DCAF7: variants seen among roughly 807,000 people sequenced by gnomAD.
The protein encoded by DCAF7 is DDB1 and CUL4 associated factor 7.
DCAF7 carries 4 observed loss-of-function variants against 41.2 expected under a neutral mutation model. The ratio of observed to expected loss-of-function variants is 0.10; its 90% CI spans 0.05 to 0.22. The LOEUF (loss-of-function observed/expected upper bound fraction) is 0.22, where lower values mean the gene tolerates loss of function less well. Ranked by LOEUF, DCAF7 falls within the 10% of genes least tolerant of loss-of-function variation. The pLI, the probability that DCAF7 is intolerant of heterozygous loss-of-function variation, is 1.00. For missense variants in DCAF7, 131 were observed against 443.2 expected (o/e 0.30, Z 6.32); for synonymous variants, 143 against 164.2 (o/e 0.87, Z 0.99).
At chr17:63,556,380 A>T (rs564325570) in intron 1 of DCAF7, among the ~76,000 whole-genome samples, 1 of 151,562 alleles carries the variant, frequency 6.6e-6, no homozygotes, top group Non-Finnish European at 1.5e-5. Context: ...GACCAGCCTG[A>T]CCAACATGGA....
At chr17:63,562,808 G>A (rs1041146365) in intron 1 of DCAF7, among the ~76,000 whole-genome samples, 9 of 143,706 alleles carry the variant, frequency 6.3e-5, no homozygotes, top group African/African-American at 1.1e-4. Flanking sequence ...ACCAAACACC[G>A]CAGAAAATAT....
At chr17:63,555,009 T>C (rs925436390) in intron 1 of DCAF7, among the ~76,000 whole-genome samples, 1 of 152,220 alleles carries the variant, frequency 6.6e-6, no homozygotes, top group Non-Finnish European at 1.5e-5. Flanking sequence ...AGTAGTGTAA[T>C]TTTCTAGTTT....
intron 1 of DCAF7, among the ~76,000 whole-genome samples, chr17:63,558,988 C>T (rs1370345878): frequency 6.6e-6 from 1 of 152,018 alleles, no homozygotes; most frequent in East Asian, 1.9e-4. Flanking sequence ...GAAATGTAGT[C>T]TGTGCTAAAG....
At chr17:63,575,686 T>TG (rs931431923) in intron 1 of DCAF7, among the ~76,000 whole-genome samples, 12 of 152,106 alleles carry the variant, frequency 7.9e-5, no homozygotes, top group Admixed American at 7.9e-4. Flanking sequence ...AGACTCTGTC[T>TG]GAAAAAAAAG....
chr17:63,584,562 C>T (rs1477645049), intron 5 of DCAF7, among the ~76,000 whole-genome samples: 2 of 151,976 alleles, frequency 1.3e-5, no homozygotes, highest in African/African-American at 4.8e-5. Context: ...AGATCAAGAC[C>T]ATCCTAGCTA....
chr17:63,559,365 A>ATATGTATGTG (rs1568097716), intron 1 of DCAF7, among the ~76,000 whole-genome samples: 21 of 115,490 alleles, frequency 1.8e-4, no homozygotes, highest in African/African-American at 7.3e-4. Flanking sequence ...ATATGTATGT[A>ATATGTATGTG]TATATATATG....
In DCAF7 at chr17:63,590,645, A is replaced by T. The variant is rs190397461; in HGVS notation, c.*1473A>T. The T allele has an allele frequency of 1.7e-4, 26 of 152,706 alleles. 1 individual carries two copies. Among genetic ancestry groups the T allele is most frequent in the African/African-American group, 6.0e-4 (25 of 41,508 alleles). The allele number at this position is 152,706 out of a possible 1,614,324, so 9.5% of individuals were successfully genotyped here. A position where few individuals can be genotyped will look rare whatever the true frequency, so the allele number is the denominator to read the frequency against. ...GAGCCCTTGGGGCAGGCAGTTTGGG[A>T]TGTGCTCTTGGGGGAAAGTTGGCTG... On this transcript the variant is annotated 3_prime_UTR_variant, in exon 7 of 7. Transcript: ENST00000614556.
chr17:63,585,694 C>T (rs1314319576), intron 6 of DCAF7, among the ~76,000 whole-genome samples: 1 of 152,218 alleles, frequency 6.6e-6, no homozygotes, highest in Non-Finnish European at 1.5e-5. Context: ...ATCAACATCT[C>T]CATGGGACCT....
chr17:63,571,819 T>C (rs1369441757), intron 1 of DCAF7, among the ~76,000 whole-genome samples: 1 of 152,002 alleles, frequency 6.6e-6, no homozygotes, highest in Non-Finnish European at 1.5e-5. Context: ...GGGTGATGAA[T>C]TCCTAAGAAT....
At chr17:63,569,843 G>T (rs1173378754) in intron 1 of DCAF7, among the ~76,000 whole-genome samples, 1 of 152,148 alleles carries the variant, frequency 6.6e-6, no homozygotes, top group Non-Finnish European at 1.5e-5. Flanking sequence ...CTTCTGAGAA[G>T]CTGGGATTAC....
At chr17:63,564,029 A>G (rs573263674) in intron 1 of DCAF7, among the ~76,000 whole-genome samples, 22 of 152,186 alleles carry the variant, frequency 1.4e-4, no homozygotes, top group South Asian at 4.1e-4. Context: ...GTTGAGGGAA[A>G]ACTTTACACT....
chr17:63,592,502 C>T lies in DCAF7; in HGVS notation c.*3330C>T, dbSNP rs1208126279. On this transcript the variant is annotated 3_prime_UTR_variant, in exon 7 of 7. Coordinates refer to ENST00000614556, the MANE Select transcript of DCAF7 (RefSeq NM_005828.5). Reference sequence around the variant, plus strand: ...AAGATTCAGGAAGAAACAAAAAATTCAGAATCCTACAAGGTTTTGATGACA... The same window carrying T: ...AAGATTCAGGAAGAAACAAAAAATTTAGAATCCTACAAGGTTTTGATGACA... 1.3e-5 allele frequency: 2 copies of T among 151,900 alleles called. No individual in the cohort carries two copies. The highest frequency in any genetic ancestry group is 1.3e-4 in the Admixed American group (2 of 15,254). 9.4% of individuals were successfully genotyped at this position (151,900 alleles called of 1,614,324 possible).
chr17:63,576,449 A>G (rs1280638899), intron 1 of DCAF7, among the ~76,000 whole-genome samples: 3 of 152,154 alleles, frequency 2.0e-5, no homozygotes, highest in Admixed American at 6.6e-5. Flanking sequence ...CTCCGTCTCA[A>G]AAGGAAAAAC....
chr17:63,564,845 CA>C (rs918466316), intron 1 of DCAF7, among the ~76,000 whole-genome samples: 17 of 152,244 alleles, frequency 1.1e-4, no homozygotes, highest in Non-Finnish European at 2.1e-4. Context: ...CTCCCACGCT[CA>C]GTATTCCCTC....
intron 6 of DCAF7, among the ~76,000 whole-genome samples, chr17:63,588,187 G>C (rs961606096): frequency 7.8e-6 from 1 of 128,052 alleles, no homozygotes; most frequent in South Asian, 2.2e-4. Flanking sequence ...CTATTTTCTT[G>C]GATTTTTTTT....
At position 63,594,185 on chromosome 17, in the gene DCAF7, C is replaced by T. The variant is rs1040813262; in HGVS notation, c.*5013C>T. ...TAAGTAAATTAAACCTAATTTTCAC[C>T]CTTTCATTCTGTTTCAGCCTCCTGT... On this transcript the variant is annotated 3_prime_UTR_variant, in exon 7 of 7. Transcript: ENST00000614556. The T allele has an allele frequency of 6.6e-6, 1 of 152,566 alleles. No individual in the cohort carries two copies. The highest frequency in any genetic ancestry group is 2.4e-5 in the African/African-American group (1 of 41,426). 9.5% of individuals were successfully genotyped at this position (152,566 alleles called of 1,614,324 possible). A position where few individuals can be genotyped will look rare whatever the true frequency, so the allele number is the denominator to read the frequency against.
At chr17:63,579,307 TG>T (rs1568103805) in intron 2 of DCAF7, 29 bp from the exon 3 acceptor site, 1 of 1,503,102 alleles carries the variant, frequency 6.7e-7, no homozygotes, top group East Asian at 2.4e-5. Flanking sequence ...TAAGACTGGC[TG>T]ATTTTTTTTA....
Position 63,591,408 on chromosome 17 carries a change from A to G in DCAF7, c.*2236A>G, listed in dbSNP as rs1009537631. 1.3e-5 allele frequency: 2 copies of G among 152,182 alleles called. No homozygotes were observed. The highest frequency in any genetic ancestry group is 2.4e-5 in the African/African-American group (1 of 41,426). The allele number at this position is 152,182 out of a possible 1,614,324, so 9.4% of individuals were successfully genotyped here. On this transcript the variant is annotated 3_prime_UTR_variant, in exon 7 of 7. Transcript: ENST00000614556. ...TGCATAAGATAGCTATTTACTCTGGAAACCAACAACTTTTGAGATTTCCCT... is the reference window on the plus strand; with the variant it reads ...TGCATAAGATAGCTATTTACTCTGGGAACCAACAACTTTTGAGATTTCCCT...
chr17:63,568,081 C>CG (rs1159105918), intron 1 of DCAF7, among the ~76,000 whole-genome samples: 1 of 152,072 alleles, frequency 6.6e-6, no homozygotes, highest in East Asian at 1.9e-4. Flanking sequence ...AGTGCAGTGG[C>CG]GTGATCTCAG....
Sources: allele counts gnomAD v4.1 joint callset (sites outside exome capture counted in the v4.1 genomes callset), GRCh38; gene constraint gnomAD v4.1.1; transcripts MANE v1.5; gene names NCBI Gene and HGNC (gene_info 2026-07-23, HGNC 2026-07-21).